SNRPN: variants seen among roughly 807,000 people sequenced by gnomAD.
The protein encoded by SNRPN is small nuclear ribonucleoprotein-associated protein N.
SNRPN carries 7 observed loss-of-function variants against 25.2 expected under a neutral mutation model. That is an observed-to-expected ratio of 0.28 (90% CI 0.16 to 0.52). SNRPN has a LOEUF of 0.52. Ranked by LOEUF, SNRPN falls within the 20% of genes least tolerant of loss-of-function variation. SNRPN has a pLI of 0.96. For synonymous variants in SNRPN, 124 were observed against 110.6 expected, an observed-to-expected ratio of 1.12 and a Z score of -0.76; for missense variants, 196 against 322.5, an observed-to-expected ratio of 0.61 and a Z score of 3.00.
Position 24,976,864 on chromosome 15 carries a change from TTTC to T in SNRPN, c.268-10_268-8del. 1 of 1,604,444 alleles carries T rather than the reference TTTC, an allele frequency of 6.2e-7. No homozygotes were observed. Among genetic ancestry groups the T allele is most frequent in the Non-Finnish European group, 8.5e-7 (1 of 1,177,388 alleles). On this transcript the variant is annotated splice_polypyrimidine_tract_variant and intron_variant, in intron 6 of 9. Transcript: ENST00000390687. The stretch of plus-strand genomic sequence containing the variant: ...AATTGTTTGATTTTAGGCTATGAAT[TTTC>T]TTGTTTCAGACTGGCATTGCTCGGG...
chr15:24,900,073 C>T (rs778109862), intron 2 of SNRPN, among the ~76,000 whole-genome samples: 6 of 152,122 alleles, frequency 3.9e-5, no homozygotes, highest in Non-Finnish European at 7.3e-5. Flanking sequence ...TTGATTGTGG[C>T]AAAGTGCCAA....
At chr15:24,848,537 T>C (rs2052483129) in intron 2 of SNRPN, 1 of 152,236 alleles carries the variant, frequency 6.6e-6, no homozygotes, top group African/African-American at 2.4e-5. Flanking sequence ...CTGTGGTGTT[T>C]CTTTACAACC....
At chr15:24,958,386 C>CCTTTT (rs1400673835) in intron 1 of SNRPN, among the ~76,000 whole-genome samples, 1 of 124,218 alleles carries the variant, frequency 8.1e-6, no homozygotes, top group African/African-American at 2.9e-5. Context: ...GTCCTGTCTC[C>CCTTTT]TTTTTTTTTT....
chr15:24,853,126 C>T (rs1466078963), upstream of SNRPN, among the ~76,000 whole-genome samples: 1 of 152,182 alleles, frequency 6.6e-6, no homozygotes, highest in East Asian at 1.9e-4. Context: ...ACATATACCA[C>T]ACACAGTTTT....
At chr15:24,957,393 C>G (rs571917950) in intron 1 of SNRPN, among the ~76,000 whole-genome samples, 1 of 152,112 alleles carries the variant, frequency 6.6e-6, no homozygotes, top group Admixed American at 6.6e-5. Context: ...CAGTTACTGT[C>G]TTTTTTTGGA....
intron 1 of SNRPN, among the ~76,000 whole-genome samples, chr15:24,857,495 A>C (rs1399205611): frequency 1.3e-5 from 2 of 152,270 alleles, no homozygotes; most frequent in East Asian, 3.9e-4. Flanking sequence ...TAGTTTTATA[A>C]TCTGATCTTG....
At chr15:24,835,107 C>A (rs796279823) in intron 2 of SNRPN, among the ~76,000 whole-genome samples, 744 of 35,788 alleles carry the variant, frequency 0.021, 20 homozygotes, top group Middle Eastern at 0.036. Flanking sequence ...GATATATATA[C>A]TATATATCTA....
chr15:24,850,310 C>T (rs78767103), intron 2 of SNRPN: 4 of 152,094 alleles, frequency 2.6e-5, no homozygotes, highest in Non-Finnish European at 4.4e-5. Flanking sequence ...CAAGGGAGGT[C>T]CAATTTTTTT....
Position 24,974,380 on chromosome 15 carries a change from T to C in SNRPN, c.-74T>C. 1.4e-6 allele frequency: 2 copies of C among 1,423,320 alleles called. No homozygotes were observed. Among genetic ancestry groups the C allele is most frequent in the South Asian group, 1.1e-5 (1 of 87,088 alleles). 88.2% of individuals were successfully genotyped at this position (1,423,320 alleles called of 1,614,324 possible). On this transcript the variant is annotated 5_prime_UTR_variant, in exon 4 of 10. Coordinates refer to ENST00000390687, the MANE Select transcript of SNRPN (RefSeq NM_003097.6). The stretch of plus-strand genomic sequence containing the variant: ...TAGGAGAACCTGCGTCATACCTTTA[T>C]CTATAGCCTTCCCCTAGGTCTTCAG...
chr15:24,917,948 A>G (rs902628684), intron 2 of SNRPN, among the ~76,000 whole-genome samples: 8 of 152,214 alleles, frequency 5.3e-5, no homozygotes, highest in Admixed American at 2.0e-4. Flanking sequence ...GTAGAACAAT[A>G]CAAGAATAGT....
rs1025249967 is a variant in SNRPN, at chr15:24,880,839, G to A, written c.-578-5677G>A. Among the ~76,000 whole-genome samples the A allele has an allele frequency of 6.6e-5, 10 of 152,102 alleles. No individual in the cohort carries two copies. In the East Asian group the frequency reaches 1.6e-3, roughly 24 times the overall value. On this transcript the variant is annotated intron_variant, in intron 1 of 11. Transcript: ENST00000400097. ...GCTCACTGCAACCTCTGTCATCAGC[G>A]TTCAAGCAATTCTTGTGCCTCACTA...
intron 1 of SNRPN, among the ~76,000 whole-genome samples, chr15:24,879,223 TCGGG>T (rs2149435677): frequency 6.6e-6 from 1 of 152,128 alleles, no homozygotes; most frequent in East Asian, 1.9e-4. Context: ...TTGCCTGAGC[TCGGG>T]GGTTCGAGAC....
At position 24,923,920 on chromosome 15, in the gene SNRPN, A is replaced by AT. The variant is rs1566917438; in HGVS notation, c.-391+3796_-391+3797insT. 1.4e-4 allele frequency among the ~76,000 whole-genome samples: 12 copies of AT among 87,800 alleles called. No homozygotes were observed. The South Asian group carries it at 1.8e-3, about 13-fold the overall frequency. 57.6% of individuals were successfully genotyped at this position (87,800 alleles called of 152,430 possible). A position where few individuals can be genotyped will look rare whatever the true frequency, so the allele number is the denominator to read the frequency against. ...GTGTGTGTGTGTGTGTGTGTATATA[A>AT]ACATTTTTTTTTTTTTTTTTTTTTT... is the stretch of plus-strand genomic sequence containing the variant. On this transcript the variant is annotated intron_variant, in intron 3 of 11. Coordinates refer to the SNRPN transcript ENST00000400097.
intron 3 of SNRPN, 139 bp downstream of exon 3, chr15:24,968,221 A>T: frequency 1.7e-6 from 1 of 603,468 alleles, no homozygotes. Flanking sequence ...AAGTTTTAGA[A>T]AGTTTTGCAG....
rs1194692224 is a variant in SNRPN at position 24,976,992 on chromosome 15, C to G, written c.383C>G (p.Ala128Gly). The stretch of plus-strand genomic sequence containing the variant: ...ATTCCCCAGGCCCCTGCTGGATTGG[C>G]AGGCCCTGTCCGAGGAGTTGGGGGA... ...VPIPQAPAGL[A>G]GPVRGVGGPS... Residue 128 changes from alanine to glycine, a missense_variant, in exon 7 of 10, where the codon GCA (alanine) becomes GGA (glycine). Ala to Gly is a moderately conservative substitution (Grantham distance 60, BLOSUM62 0). Transcript: ENST00000390687. The G allele has an allele frequency of 6.3e-7, 1 of 1,598,748 alleles. No homozygotes were observed. Among genetic ancestry groups the G allele is most frequent in the Non-Finnish European group, 8.5e-7 (1 of 1,173,292 alleles).
chr15:24,870,823 A>T (rs2055023385), intron 1 of SNRPN, among the ~76,000 whole-genome samples: 3 of 150,270 alleles, frequency 2.0e-5, no homozygotes, highest in African/African-American at 7.3e-5. Flanking sequence ...TTTTCTCTGT[A>T]TTCCTCTATG....
intron 1 of SNRPN, among the ~76,000 whole-genome samples, chr15:24,876,989 C>T (rs1595624876): frequency 6.6e-6 from 1 of 152,102 alleles, no homozygotes. Context: ...TAGTTCCAGA[C>T]ATTAGCTAGG....
chr15:24,978,662 A>G lies in SNRPN; in HGVS notation c.*218A>G. 1.7e-6 allele frequency: 1 copy of G among 587,854 alleles called. No individual in the cohort carries two copies. The highest frequency in any genetic ancestry group is 2.2e-5 in the South Asian group (1 of 45,064). The allele number at this position is 587,854 out of a possible 1,614,324, so 36.4% of individuals were successfully genotyped here. ...CTGTGGATGAGGGTGATGCCTATTA[A>G]GCAGTTGATTCAAATCATATTCTCT... is the stretch of plus-strand genomic sequence containing the variant. On this transcript the variant is annotated 3_prime_UTR_variant, in exon 10 of 10. Transcript: ENST00000390687.
chr15:24,939,796 T>G (rs940786104), intron 3 of SNRPN, among the ~76,000 whole-genome samples: 2 of 151,394 alleles, frequency 1.3e-5, no homozygotes, highest in African/African-American at 4.9e-5. Context: ...TTCTTTTTTT[T>G]TTTTTCTTTT....
Sources: gnomAD v4.1 joint callset for allele counts (sites outside exome capture counted in the v4.1 genomes callset) on GRCh38, gnomAD v4.1.1 for gene constraint, MANE v1.5 for transcripts, NCBI Gene and HGNC (gene_info 2026-07-23, HGNC 2026-07-21) for gene names.